Variants in SPECC1 observed in about 807,000 individuals in gnomAD.
SPECC1 encodes the protein cytospin-B.
Under a neutral mutation model 104.1 loss-of-function variants are expected in SPECC1, and 62 were observed. That is an observed-to-expected ratio of 0.60 (90% confidence interval 0.49 to 0.74). The LOEUF (loss-of-function observed/expected upper bound fraction) is 0.74, where lower values mean the gene tolerates loss of function less well. Among genes scored for constraint, SPECC1 ranks in the 30% least tolerant of loss-of-function variants. The pLI is 0.00. For missense variants in SPECC1, 1,306 were observed against 1,310.5 expected, an observed-to-expected ratio of 1.00 and a Z score of 0.05; for synonymous variants, 513 against 501.6, an observed-to-expected ratio of 1.02 and a Z score of -0.30.
intron 3 of SPECC1, chr17:20,112,717 C>CGGAA (rs1567852210): frequency 8.6e-7 from 1 of 1,161,938 alleles, no homozygotes; most frequent in African/African-American, 1.5e-5. Context: ...AGGATCCTTC[C>CGGAA]GGTCTTAAAG....
At chr17:20,085,676 G>T (rs971174064) in intron 1 of SPECC1, among the ~76,000 whole-genome samples, 1 of 152,192 alleles carries the variant, frequency 6.6e-6, no homozygotes, top group African/African-American at 2.4e-5. Context: ...AAAGCCTGTG[G>T]GTTAGAAAAG....
At chr17:20,099,990 C>A (rs1489714280) in intron 2 of SPECC1, among the ~76,000 whole-genome samples, 5 of 152,184 alleles carry the variant, frequency 3.3e-5, no homozygotes, top group African/African-American at 1.2e-4. Flanking sequence ...CTCCCATATA[C>A]TTTAAGTGAT....
chr17:20,298,978 G>GTGTGTGTGTGTGTGTGTGT (rs747414391), intron 13 of SPECC1, among the ~76,000 whole-genome samples: 335 of 29,382 alleles, frequency 0.011, 7 homozygotes, highest in Non-Finnish European at 0.014. Context: ...TGTGTATGTA[G>GTGTGTGTGTGTGTGTGTGT]AGAGAGAGAG....
intron 1 of SPECC1, among the ~76,000 whole-genome samples, chr17:20,070,634 AATT>A (rs1274033088): frequency 6.6e-6 from 1 of 152,108 alleles, no homozygotes; most frequent in African/African-American, 2.4e-5. Flanking sequence ...TTAGACTTTA[AATT>A]ATTTCTTTTC....
intron 12 of SPECC1, among the ~76,000 whole-genome samples, chr17:20,293,595 C>T (rs773293502): frequency 2.0e-4 from 31 of 152,320 alleles, no homozygotes; most frequent in Middle Eastern, 6.8e-3. Flanking sequence ...TTCACATTTC[C>T]CAGGACAGGG....
rs977865145 is a variant in SPECC1, at chr17:20,318,524, C to T, written c.*4459C>T. 1 of 231,002 alleles carries T rather than the reference C, an allele frequency of 4.3e-6. No individual in the cohort carries two copies. The highest frequency in any genetic ancestry group is 8.6e-6 in the Non-Finnish European group (1 of 116,706). The allele number at this position is 231,002 out of a possible 1,614,324, so 14.3% of individuals were successfully genotyped here. ...TGTTCTCTTCCCTGCTGCCCACAAACGTTACGGAGACTCCCTTAGCCTCCC... is the reference window on the plus strand; with the variant it reads ...TGTTCTCTTCCCTGCTGCCCACAAATGTTACGGAGACTCCCTTAGCCTCCC... On this transcript the variant is annotated 3_prime_UTR_variant, in exon 15 of 15. Coordinates refer to ENST00000395527, the MANE Select transcript of SPECC1 (RefSeq NM_001243439.2).
chr17:20,134,309 A>G (rs934601727), intron 3 of SPECC1, among the ~76,000 whole-genome samples: 2 of 151,380 alleles, frequency 1.3e-5, no homozygotes, highest in Non-Finnish European at 2.9e-5. Flanking sequence ...TATTTGCTCA[A>G]TATAACCAGT....
At chr17:20,025,868 A>G (rs1443276765) in intron 1 of SPECC1, among the ~76,000 whole-genome samples, 2 of 152,066 alleles carry the variant, frequency 1.3e-5, no homozygotes, top group Non-Finnish European at 2.9e-5. Context: ...CCTTACCAAC[A>G]TTTGTTATTA....
At chr17:20,104,806 A>C (rs897615128) in intron 2 of SPECC1, among the ~76,000 whole-genome samples, 2 of 151,168 alleles carry the variant, frequency 1.3e-5, no homozygotes, top group African/African-American at 4.9e-5. Flanking sequence ...AGACTGAGCT[A>C]CCAGATCCAA....
At chr17:20,011,049 A>G (rs2043925527) in intron 1 of SPECC1, among the ~76,000 whole-genome samples, 1 of 152,232 alleles carries the variant, frequency 6.6e-6, no homozygotes, top group Non-Finnish European at 1.5e-5. Flanking sequence ...GTTCACATCA[A>G]TAAGCTAGCA....
At chr17:20,276,989 G>A (rs546021230) in intron 12 of SPECC1, among the ~76,000 whole-genome samples, 111 of 152,328 alleles carry the variant, frequency 7.3e-4, no homozygotes, top group African/African-American at 2.1e-3. Flanking sequence ...AGTCAGGGCC[G>A]TACCTGGGAA....
chr17:20,079,386 A>G (rs1567828355), intron 1 of SPECC1, among the ~76,000 whole-genome samples: 1 of 152,054 alleles, frequency 6.6e-6, no homozygotes, highest in South Asian at 2.1e-4. Context: ...TGCAGCCTCA[A>G]CCTCCTGTGC....
intron 1 of SPECC1, among the ~76,000 whole-genome samples, chr17:20,071,179 A>G (rs1344057297): frequency 6.6e-6 from 1 of 152,036 alleles, no homozygotes; most frequent in Non-Finnish European, 1.5e-5. Flanking sequence ...CTACAAGCTC[A>G]CACCAACTAC....
chr17:20,305,010 C>T (rs2041718063), intron 13 of SPECC1, among the ~76,000 whole-genome samples: 1 of 152,056 alleles, frequency 6.6e-6, no homozygotes, highest in African/African-American at 2.4e-5. Flanking sequence ...TGAAGAAAGG[C>T]AGGGTCCAAA....
chr17:20,232,986 A>T (rs1406428666), intron 7 of SPECC1, among the ~76,000 whole-genome samples: 1 of 152,234 alleles, frequency 6.6e-6, no homozygotes, highest in East Asian at 1.9e-4. Context: ...GGAGAAGCAC[A>T]CAGTGTATCA....
intron 12 of SPECC1, among the ~76,000 whole-genome samples, chr17:20,263,815 G>T (rs2040117829): frequency 6.6e-6 from 1 of 152,152 alleles, no homozygotes; most frequent in Admixed American, 6.5e-5. Context: ...TTGTTGTAAT[G>T]CAGGGAAGAG....
At chr17:20,090,696 A>G (rs1597677304) in intron 1 of SPECC1, among the ~76,000 whole-genome samples, 1 of 152,192 alleles carries the variant, frequency 6.6e-6, no homozygotes, top group East Asian at 1.9e-4. Context: ...AGGTAAGGGA[A>G]TAACTACTTA....
chr17:20,254,026 G>GA (rs906052757), intron 10 of SPECC1, among the ~76,000 whole-genome samples: 6 of 151,866 alleles, frequency 4.0e-5, no homozygotes, highest in African/African-American at 1.5e-4. Flanking sequence ...GTAACTAAGG[G>GA]AAAAAATCTT....
At chr17:20,302,635 C>T (rs1598170373) in intron 13 of SPECC1, among the ~76,000 whole-genome samples, 1 of 151,336 alleles carries the variant, frequency 6.6e-6, no homozygotes, top group Non-Finnish European at 1.5e-5. Context: ...AGTTTTTCAT[C>T]AAGGGATCCT....
Sources: gnomAD v4.1 joint callset for allele counts (sites outside exome capture counted in the v4.1 genomes callset) on GRCh38, gnomAD v4.1.1 for gene constraint, MANE v1.5 for transcripts, NCBI Gene and HGNC (gene_info 2026-07-23, HGNC 2026-07-21) for gene names.